CA12: variants seen among roughly 807,000 people sequenced by gnomAD.
The protein encoded by CA12 is carbonic anhydrase 12.
Under a neutral mutation model 46.8 loss-of-function variants are expected in CA12, and 36 were observed. The ratio of observed to expected loss-of-function variants is 0.77; its 90% confidence interval spans 0.59 to 1.02. The LOEUF (loss-of-function observed/expected upper bound fraction) is 1.02. CA12 is among the 50% of genes least tolerant of loss of function. The probability of loss-of-function intolerance (pLI) is 0.00; values close to 1 mark genes in which losing one functional copy is unlikely to be tolerated. For synonymous variants in CA12, 202 were observed against 187.0 expected, an observed-to-expected ratio of 1.08 and a Z score of -0.65; for missense variants, 436 against 451.4, an observed-to-expected ratio of 0.97 and a Z score of 0.31.
At chr15:63,359,154 C>T (rs1342078504) in intron 2 of CA12, among the ~76,000 whole-genome samples, 6 of 152,184 alleles carry the variant, frequency 3.9e-5, no homozygotes, top group Non-Finnish European at 8.8e-5. Flanking sequence ...GCCCAGTTTT[C>T]CTCTGAGCTC....
At chr15:63,326,718 A>G (rs1325907832) in intron 10 of CA12, among the ~76,000 whole-genome samples, 2 of 152,160 alleles carry the variant, frequency 1.3e-5, no homozygotes, top group African/African-American at 4.8e-5. Context: ...CAAATGTCAC[A>G]ATAAAAACAT....
At position 63,378,060 on chromosome 15, in the gene CA12, T is replaced by G. The variant is rs778810578; in HGVS notation, c.86-2382A>C. On this transcript the variant is annotated intron_variant, in intron 1 of 10. Coordinates refer to ENST00000178638, the MANE Select transcript of CA12 (RefSeq NM_001218.5). This position sits in a 1 kb window ranked among gnomAD's most constrained non-coding sequence, Gnocchi z 4.8. The stretch of plus-strand genomic sequence containing the variant: ...GGAGGAGTCCAGACCCCCTGGAGTA[T>G]CCGATGAGTATTATGGACCTCTCCC... 1.3e-5 allele frequency among the ~76,000 whole-genome samples: 2 copies of G among 152,308 alleles called. No homozygotes were observed. Among genetic ancestry groups the G allele is most frequent in the Non-Finnish European group, 2.9e-5 (2 of 68,024 alleles).
At chr15:63,371,996 T>C (rs1436329894) in intron 2 of CA12, among the ~76,000 whole-genome samples, 1 of 152,160 alleles carries the variant, frequency 6.6e-6, no homozygotes, top group African/African-American at 2.4e-5. Context: ...CCGAAAAGTG[T>C]GTAGACCATA....
intron 1 of CA12, among the ~76,000 whole-genome samples, chr15:63,376,402 C>G (rs1292450661): frequency 1.3e-5 from 2 of 152,158 alleles, no homozygotes; most frequent in Non-Finnish European, 2.9e-5. Context: ...TGATTGGGAG[C>G]CCTTTCATGG....
intron 2 of CA12, among the ~76,000 whole-genome samples, chr15:63,349,934 T>C (rs1168186613): frequency 2.6e-5 from 4 of 152,184 alleles, no homozygotes; most frequent in Non-Finnish European, 5.9e-5. Context: ...CATGTATTTC[T>C]TCTCCTCAAA....
rs781561248 is a variant in CA12 at position 63,339,612 on chromosome 15, C to T, written c.748-667G>A. ...GGAGCAGCTGTGAGGCTGCCCTGGA[C>T]GCATGAAGCTGGCGTGGGGCTGTGA... On this transcript the variant is annotated intron_variant, in intron 7 of 10. Transcript: ENST00000178638. The surrounding 1 kb of genome is among the most constrained non-coding windows in gnomAD (Gnocchi z 4.3). Among the ~76,000 whole-genome samples, 10 of 152,220 alleles carry T rather than the reference C, an allele frequency of 6.6e-5. No individual in the cohort carries two copies. The highest frequency in any genetic ancestry group is 1.3e-4 in the Admixed American group (2 of 15,284).
Position 63,381,816 on chromosome 15 carries a change from C to G in CA12, c.-96G>C, listed in dbSNP as rs2039652248. 5 of 780,710 alleles carry G rather than the reference C, an allele frequency of 6.4e-6. No individual in the cohort carries two copies. The highest frequency in any genetic ancestry group is 1.9e-5 in the African/African-American group (1 of 53,308). The allele number at this position is 780,710 out of a possible 1,614,324, so 48.4% of individuals were successfully genotyped here. ...CACACCGGGACCGCGTGCGCGCAGC[C>G]TGGGTGCCGTGGCGAGTACGTCCGC... On this transcript the variant is annotated 5_prime_UTR_variant, in exon 1 of 11. Transcript: ENST00000178638.
At chr15:63,376,464 A>G (rs1463003208) in intron 1 of CA12, among the ~76,000 whole-genome samples, 1 of 151,934 alleles carries the variant, frequency 6.6e-6, no homozygotes, top group East Asian at 1.9e-4. Flanking sequence ...TCACACAAAC[A>G]TTGGCATACT....
At position 63,339,641 on chromosome 15, in the gene CA12, AG is replaced by A. The variant is rs1393758245; in HGVS notation, c.747+646del. On this transcript the variant is annotated intron_variant, in intron 7 of 10. Coordinates refer to ENST00000178638, the MANE Select transcript of CA12 (RefSeq NM_001218.5). This position sits in a 1 kb window ranked among gnomAD's most constrained non-coding sequence, Gnocchi z 4.3. ...TGAAGCTGGCGTGGGGCTGTGAGCC[AG>A]GGTGTAGTGCTGGCCCCAGCCCCGT... Among the ~76,000 whole-genome samples, 17 of 152,280 alleles carry A rather than the reference AG, an allele frequency of 1.1e-4. No homozygotes were observed. The East Asian group carries it at 3.3e-3, about 29-fold the overall frequency.
At chr15:63,356,084 TG>T (rs2039291887) in intron 2 of CA12, among the ~76,000 whole-genome samples, 1 of 152,222 alleles carries the variant, frequency 6.6e-6, no homozygotes, top group Admixed American at 6.5e-5. Flanking sequence ...CATGTTTTCA[TG>T]GCTTAATCTC....
chr15:63,337,229 G>T (rs1410365441), intron 8 of CA12, among the ~76,000 whole-genome samples: 2 of 152,186 alleles, frequency 1.3e-5, no homozygotes, highest in Non-Finnish European at 2.9e-5. Flanking sequence ...AAATTCTTGG[G>T]CAGTTCTTCA....
At position 63,339,818 on chromosome 15, in the gene CA12, C is replaced by G. The variant is rs1028618447; in HGVS notation, c.747+470G>C. The stretch of plus-strand genomic sequence containing the variant: ...AGACTTCTACTCTTCTCTCTCATCT[C>G]CTATCAAATAAGAAGCTTTAGAGGT... On this transcript the variant is annotated intron_variant, in intron 7 of 10. Coordinates refer to ENST00000178638, the MANE Select transcript of CA12 (RefSeq NM_001218.5). The surrounding 1 kb of genome is among the most constrained non-coding windows in gnomAD (Gnocchi z 4.3). Among the ~76,000 whole-genome samples, 2 of 152,234 alleles carry G rather than the reference C, an allele frequency of 1.3e-5. No homozygotes were observed. The highest frequency in any genetic ancestry group is 4.8e-5 in the African/African-American group (2 of 41,458).
chr15:63,367,046 C>T (rs1176763736), intron 2 of CA12, among the ~76,000 whole-genome samples: 1 of 101,956 alleles, frequency 9.8e-6, no homozygotes, highest in Non-Finnish European at 2.0e-5. Flanking sequence ...CTCAGCTTCC[C>T]AAGTAGCTGA....
chr15:63,367,093 G>GT (rs1269850731), intron 2 of CA12, among the ~76,000 whole-genome samples: 35 of 152,028 alleles, frequency 2.3e-4, no homozygotes, highest in African/African-American at 7.7e-4. Context: ...GCTAATTTTT[G>GT]TATTTTTAGT....
At position 63,346,524 on chromosome 15, in the gene CA12, C is replaced by G; in HGVS notation, c.286+6G>C. ...ACCCCTCAGGTCTCCAAGGCCTCTC[C>G]CTCACCTGAATGGCCATTGTTGGTC... On this transcript the variant is annotated splice_donor_region_variant and intron_variant, in intron 3 of 10. Transcript: ENST00000178638. 4 of 1,613,846 alleles carry G rather than the reference C, an allele frequency of 2.5e-6. No individual in the cohort carries two copies. Among genetic ancestry groups the G allele is most frequent in the Non-Finnish European group, 2.5e-6 (3 of 1,179,828 alleles).
chr15:63,333,397 C>T (rs1037859410), intron 8 of CA12, among the ~76,000 whole-genome samples: 12 of 152,286 alleles, frequency 7.9e-5, no homozygotes, highest in African/African-American at 2.4e-4. Flanking sequence ...TCCCCCATAG[C>T]GCATAACTCG....
intron 8 of CA12, among the ~76,000 whole-genome samples, chr15:63,332,042 T>TA (rs1323110073): frequency 6.6e-6 from 1 of 152,230 alleles, no homozygotes; most frequent in Non-Finnish European, 1.5e-5. Context: ...TACGTAGCGA[T>TA]ATCCTTAGCC....
chr15:63,331,882 C>T lies in CA12; in HGVS notation c.875-3752G>A, dbSNP rs1198449607. On this transcript the variant is annotated intron_variant, in intron 8 of 10. Coordinates refer to ENST00000178638, the MANE Select transcript of CA12 (RefSeq NM_001218.5). This position sits in a 1 kb window ranked among gnomAD's most constrained non-coding sequence, Gnocchi z 5.3. Reference sequence around the variant, plus strand: ...AGCATAAACACAGAAGAGTCCAGCACGAGGAACAAGCACCTCACTTTCACA... The same window carrying T: ...AGCATAAACACAGAAGAGTCCAGCATGAGGAACAAGCACCTCACTTTCACA... 1 of 152,126 alleles carries T rather than the reference C, an allele frequency of 6.6e-6. No homozygotes were observed. Among genetic ancestry groups the T allele is most frequent in the East Asian group, 1.9e-4 (1 of 5,186 alleles). The allele number at this position is 152,126 out of a possible 1,614,324, so 9.4% of individuals were successfully genotyped here.
intron 2 of CA12, among the ~76,000 whole-genome samples, chr15:63,362,018 T>G (rs2039369899): frequency 6.6e-6 from 1 of 152,234 alleles, no homozygotes; most frequent in African/African-American, 2.4e-5. Context: ...TATCAGGGGT[T>G]GGCTAACTTT....
Sources: allele counts gnomAD v4.1 joint callset (sites outside exome capture counted in the v4.1 genomes callset), GRCh38; gene constraint gnomAD v4.1.1; non-coding constraint Gnocchi (gnomAD v3.1); transcripts MANE v1.5; gene names NCBI Gene and HGNC (gene_info 2026-07-23, HGNC 2026-07-21).